SLC26A11: variants seen among roughly 807,000 people sequenced by gnomAD.
SLC26A11 encodes sodium-independent sulfate anion transporter.
In SLC26A11, 58 loss-of-function variants were observed where a neutral mutation model predicts 62.2. That is an observed-to-expected ratio of 0.93 (90% CI 0.76 to 1.16). The LOEUF (loss-of-function observed/expected upper bound fraction) is 1.16, where lower values mean the gene tolerates loss of function less well. Ranked by LOEUF, SLC26A11 falls within the 50% of genes most tolerant of loss-of-function variation. SLC26A11 has a pLI of 0.00. For synonymous variants in SLC26A11, 411 were observed against 368.9 expected (o/e 1.11, Z -1.31); for missense variants, 790 against 794.3 (o/e 0.99, Z 0.06).
intron 5 of SLC26A11, among the ~76,000 whole-genome samples, chr17:80,225,276 G>C (rs971090092): frequency 6.6e-6 from 1 of 152,228 alleles, no homozygotes; most frequent in Non-Finnish European, 1.5e-5. Flanking sequence ...GTGGTGGGAG[G>C]CTCCTACTTT....
At chr17:80,239,023 C>G (rs1024159507) in intron 9 of SLC26A11, among the ~76,000 whole-genome samples, 3 of 151,426 alleles carry the variant, frequency 2.0e-5, no homozygotes, top group African/African-American at 7.3e-5. Flanking sequence ...GACAGGGTCT[C>G]ACTATGTTGG....
intron 1 of SLC26A11, 35 bp downstream of exon 1, chr17:80,220,531 AC>A: frequency 2.3e-6 from 1 of 427,446 alleles, no homozygotes; most frequent in Non-Finnish European, 4.0e-6. Flanking sequence ...GCGAGCGGGG[AC>A]CAGGGGCAGG....
chr17:80,221,514 C>T, intron 2 of SLC26A11, 34 bp from the exon 3 acceptor site: 1 of 1,456,938 alleles, frequency 6.9e-7, no homozygotes, highest in Non-Finnish European at 9.2e-7. Flanking sequence ...AGGCCACGCT[C>T]TGACTGCTGG....
intron 16 of SLC26A11, among the ~76,000 whole-genome samples, chr17:80,250,373 G>A (rs1263818415): frequency 6.6e-6 from 1 of 152,186 alleles, no homozygotes; most frequent in African/African-American, 2.4e-5. Context: ...GTCCAGAAGA[G>A]GTCACTGAGG....
At chr17:80,226,839 T>C (rs1431638733) in intron 6 of SLC26A11, among the ~76,000 whole-genome samples, 1 of 152,154 alleles carries the variant, frequency 6.6e-6, no homozygotes, top group East Asian at 1.9e-4. Flanking sequence ...AGGGGAGCTA[T>C]AGAGATGGCT....
At chr17:80,224,990 A>G (rs1169222897) in intron 5 of SLC26A11, among the ~76,000 whole-genome samples, 1 of 151,630 alleles carries the variant, frequency 6.6e-6, no homozygotes, top group Non-Finnish European at 1.5e-5. Flanking sequence ...GCCTGTGGCC[A>G]TGGGATCCAG....
rs61011315 is a variant in SLC26A11 at position 80,227,887 on chromosome 17, C to T, written c.663C>T (p.His221=). Residue 221 remains histidine, a synonymous_variant, in exon 7 of 18, where the codon CAC becomes CAT. Transcript: ENST00000361193. ...TGGTGCTGAAGCTGATGCGGGACCACGTGCCTCCCGTCCACCCCGAGATGC... is the reference window on the plus strand; with the variant it reads ...TGGTGCTGAAGCTGATGCGGGACCATGTGCCTCCCGTCCACCCCGAGATGC... ...LLLVLKLMRD[H]VPPVHPEMPP... 0.02 allele frequency: 31,535 copies of T among 1,602,112 alleles called. 1,255 individuals are homozygous for T. The highest frequency in any genetic ancestry group is 0.17 in the African/African-American group (12,470 of 75,002).
At chr17:80,238,411 C>A (rs1428899551) in intron 9 of SLC26A11, among the ~76,000 whole-genome samples, 5 of 152,150 alleles carry the variant, frequency 3.3e-5, no homozygotes, top group Admixed American at 6.5e-5. Flanking sequence ...TAGTAACAGG[C>A]TCACAAAACT....
chr17:80,224,456 A>AGT (rs1181577059), intron 5 of SLC26A11, among the ~76,000 whole-genome samples: 1 of 114,050 alleles, frequency 8.8e-6, no homozygotes, highest in African/African-American at 4.1e-5. Flanking sequence ...TGTGAGTGTG[A>AGT]GAGTGTGAGT....
At chr17:80,237,856 C>T (rs148429184) in intron 9 of SLC26A11, among the ~76,000 whole-genome samples, 63 of 152,340 alleles carry the variant, frequency 4.1e-4, no homozygotes, top group Middle Eastern at 3.4e-3. Flanking sequence ...GGTTTTGCTT[C>T]GTGGCCCTTG....
At chr17:80,249,359 G>T in intron 16 of SLC26A11, 72 bp downstream of exon 16, 3 of 1,567,994 alleles carry the variant, frequency 1.9e-6, no homozygotes, top group South Asian at 1.1e-5. Flanking sequence ...CTCCCATGGC[G>T]AATGTGACAT....
intron 9 of SLC26A11, among the ~76,000 whole-genome samples, chr17:80,240,487 C>T (rs1375003428): frequency 6.6e-6 from 1 of 152,106 alleles, no homozygotes; most frequent in Admixed American, 6.6e-5. Context: ...CTCAACTGGT[C>T]ATAAAGAGGT....
At chr17:80,247,394 G>GCTC (rs1274094286) in intron 13 of SLC26A11, among the ~76,000 whole-genome samples, 1 of 152,160 alleles carries the variant, frequency 6.6e-6, no homozygotes, top group Non-Finnish European at 1.5e-5. Flanking sequence ...GGGCAGAGGG[G>GCTC]CTCCTCACTT....
Position 80,252,785 on chromosome 17 carries a change from C to T in SLC26A11, c.*69C>T, listed in dbSNP as rs2043186758. 7 of 1,381,172 alleles carry T rather than the reference C, an allele frequency of 5.1e-6. No individual in the cohort carries two copies. The highest frequency in any genetic ancestry group is 2.4e-5 in the South Asian group (2 of 83,936). The allele number at this position is 1,381,172 out of a possible 1,614,324, so 85.6% of individuals were successfully genotyped here. A position where few individuals can be genotyped will look rare whatever the true frequency, so the allele number is the denominator to read the frequency against. The stretch of plus-strand genomic sequence containing the variant: ...AGGTTCTTGTCACTGTGATTGGATG[C>T]TGGATGCCGCCTGATAGACATGCTG... On this transcript the variant is annotated 3_prime_UTR_variant, in exon 18 of 18. Coordinates refer to ENST00000361193, the MANE Select transcript of SLC26A11 (RefSeq NM_001166347.2). This position sits in a 1 kb window ranked among gnomAD's most constrained non-coding sequence, Gnocchi z 5.2.
At chr17:80,250,721 G>T (rs1256101060) in intron 16 of SLC26A11, among the ~76,000 whole-genome samples, 1 of 152,130 alleles carries the variant, frequency 6.6e-6, no homozygotes, top group African/African-American at 2.4e-5. Flanking sequence ...CAGCTGCTCA[G>T]GGGGCTGAGG....
intron 7 of SLC26A11, among the ~76,000 whole-genome samples, chr17:80,229,858 G>C (rs1445608388): frequency 6.6e-6 from 1 of 152,188 alleles, no homozygotes; most frequent in African/African-American, 2.4e-5. Flanking sequence ...TCCGAATCAG[G>C]ATCTGTATTC....
chr17:80,242,722 T>C (rs1038927722), intron 10 of SLC26A11, among the ~76,000 whole-genome samples: 1 of 152,198 alleles, frequency 6.6e-6, no homozygotes, highest in African/African-American at 2.4e-5. Context: ...TTTTTGTGTG[T>C]GTGAGAGACT....
rs2042396653 is a variant in SLC26A11 at position 80,225,930 on chromosome 17, T to A, written c.593+14T>A. ...TGCAGAGACCAGGTACCCCGGGCTT[T>A]GTTCCTCCCTCCTATAAGGAAGCTC... On this transcript the variant is annotated intron_variant, in intron 6 of 17. Coordinates refer to ENST00000361193, the MANE Select transcript of SLC26A11 (RefSeq NM_001166347.2). The A allele has an allele frequency of 1.9e-6, 3 of 1,612,054 alleles. No individual in the cohort carries two copies. The highest frequency in any genetic ancestry group is 2.7e-5 in the African/African-American group (2 of 74,836).
chr17:80,248,674 G>C lies in SLC26A11; in HGVS notation c.1522G>C (p.Val508Leu). The change falls in exon 15 of 18, where the codon GTG becomes CTG. Residue 508 changes from valine (V) to leucine (L), a missense_variant and splice_region_variant. Coordinates refer to ENST00000361193, the MANE Select transcript of SLC26A11 (RefSeq NM_001166347.2). ...GGAGATCCTAAGCCGGGCCCTGGAA[G>C]GTGCATGGGCGGGGGTCAAGGTGGT... The part of the protein sequence containing the change: ...REEILSRALE[V>L]SPPRCLVLEC... 6.4e-7 allele frequency: 1 copy of C among 1,566,832 alleles called. No individual in the cohort carries two copies. The highest frequency in any genetic ancestry group is 8.7e-7 in the Non-Finnish European group (1 of 1,155,690).
Sources: allele counts gnomAD v4.1 joint callset (sites outside exome capture counted in the v4.1 genomes callset), GRCh38; gene constraint gnomAD v4.1.1; non-coding constraint Gnocchi (gnomAD v3.1); transcripts MANE v1.5; gene names NCBI Gene and HGNC (gene_info 2026-07-23, HGNC 2026-07-21).